CADM2: variants seen among roughly 807,000 people sequenced by gnomAD.
The protein encoded by CADM2 is cell adhesion molecule 2, also known as immunoglobulin superfamily member 4D.
A neutral mutation model predicts 49.8 loss-of-function variants in CADM2; 12 were observed. That is an observed-to-expected ratio of 0.24 (90% CI 0.15 to 0.39). The LOEUF is 0.39. Among genes scored for constraint, CADM2 ranks in the 10% least tolerant of loss-of-function variants. The probability of loss-of-function intolerance (pLI) is 1.00; values close to 1 mark genes in which losing one functional copy is unlikely to be tolerated. For missense variants in CADM2, 378 were observed against 492.3 expected, an observed-to-expected ratio of 0.77 and a Z score of 2.20; for synonymous variants, 214 against 175.4, an observed-to-expected ratio of 1.22 and a Z score of -1.74.
intron 8 of CADM2, among the ~76,000 whole-genome samples, chr3:85,973,775 C>A (rs973742865): frequency 6.6e-6 from 1 of 151,638 alleles, no homozygotes; most frequent in African/African-American, 2.4e-5. Context: ...GTGGGTCCTC[C>A]CATAGCAGTA....
chr3:85,401,474 G>T (rs2035106564), intron 1 of CADM2, among the ~76,000 whole-genome samples: 1 of 152,112 alleles, frequency 6.6e-6, no homozygotes, highest in Non-Finnish European at 1.5e-5. Context: ...AACTTGGTTG[G>T]CATGTGGTGA....
intron 1 of CADM2, among the ~76,000 whole-genome samples, chr3:85,281,025 A>C (rs2043486670): frequency 6.6e-6 from 1 of 151,930 alleles, no homozygotes; most frequent in Non-Finnish European, 1.5e-5. Flanking sequence ...AGCGATCTTA[A>C]ATAATCTCAA....
At chr3:85,700,785 T>C (rs771646095) in intron 1 of CADM2, among the ~76,000 whole-genome samples, 1 of 152,196 alleles carries the variant, frequency 6.6e-6, no homozygotes, top group Non-Finnish European at 1.5e-5. Context: ...CATATCACTA[T>C]CAGCATTTTG....
rs531969966 is a variant in CADM2 at position 85,279,054 on chromosome 3, A to G, written c.61+319386A>G. On this transcript the variant is annotated intron_variant, in intron 1 of 9. Transcript: ENST00000383699. ...CAATCCTTCAATAAAAGAGAGATGC[A>G]TATACTGATTAGTTTGGGGTTTCAG... 2.6e-5 allele frequency among the ~76,000 whole-genome samples: 4 copies of G among 151,600 alleles called. No homozygotes were observed. In the South Asian group the frequency reaches 8.3e-4, roughly 31 times the overall value.
At chr3:85,424,975 C>T (rs1264397394) in intron 1 of CADM2, among the ~76,000 whole-genome samples, 6 of 151,828 alleles carry the variant, frequency 4.0e-5, no homozygotes, top group Admixed American at 3.9e-4. Flanking sequence ...TAATGAGAAC[C>T]TCAAGACTCA....
chr3:85,588,082 A>AG (rs1405065527), intron 1 of CADM2, among the ~76,000 whole-genome samples: 1 of 152,014 alleles, frequency 6.6e-6, no homozygotes, highest in Non-Finnish European at 1.5e-5. Context: ...AATCTTAAGA[A>AG]GGGGTAATTT....
intron 1 of CADM2, among the ~76,000 whole-genome samples, chr3:85,676,090 G>A (rs535494552): frequency 6.6e-6 from 1 of 152,172 alleles, no homozygotes; most frequent in Admixed American, 6.6e-5. Flanking sequence ...CACCACAGCA[G>A]ATACCTCACT....
chr3:85,790,171 A>T (rs2071238879), intron 2 of CADM2, among the ~76,000 whole-genome samples: 1 of 152,242 alleles, frequency 6.6e-6, no homozygotes, highest in African/African-American at 2.4e-5. Flanking sequence ...AAGAAAGCTG[A>T]GATATCACAA....
intron 1 of CADM2, among the ~76,000 whole-genome samples, chr3:85,367,200 A>G (rs1412847966): frequency 6.6e-6 from 1 of 152,116 alleles, no homozygotes; most frequent in East Asian, 1.9e-4. Flanking sequence ...CCATTAATAT[A>G]AATCTAAACT....
At chr3:85,333,660 A>G (rs1399340829) in intron 1 of CADM2, among the ~76,000 whole-genome samples, 2 of 151,854 alleles carry the variant, frequency 1.3e-5, no homozygotes, top group African/African-American at 4.8e-5. Flanking sequence ...TGCAATTGCT[A>G]TTTAAAATAG....
intron 1 of CADM2, among the ~76,000 whole-genome samples, chr3:85,211,170 C>A (rs1274978072): frequency 6.6e-6 from 1 of 151,862 alleles, no homozygotes; most frequent in Non-Finnish European, 1.5e-5. Flanking sequence ...TTCTTTGCAT[C>A]TTTTCTCTCT....
At chr3:85,569,497 A>G (rs1171464146) in intron 1 of CADM2, among the ~76,000 whole-genome samples, 3 of 152,154 alleles carry the variant, frequency 2.0e-5, no homozygotes, top group African/African-American at 7.2e-5. Context: ...AAACTACCCA[A>G]TTATCTTGCA....
At chr3:85,791,253 G>A (rs2071306646) in intron 2 of CADM2, among the ~76,000 whole-genome samples, 1 of 152,042 alleles carries the variant, frequency 6.6e-6, no homozygotes, top group Admixed American at 6.6e-5. Flanking sequence ...AATGACATTT[G>A]TGCTTTTCAG....
chr3:85,852,001 A>T (rs1361208880), intron 3 of CADM2, among the ~76,000 whole-genome samples: 1 of 152,052 alleles, frequency 6.6e-6, no homozygotes, highest in East Asian at 1.9e-4. Context: ...ATATAACTAC[A>T]TGGCAATTTT....
chr3:85,809,786 C>CTTTCTT (rs1228710711), intron 3 of CADM2, among the ~76,000 whole-genome samples: 4 of 82,230 alleles, frequency 4.9e-5, no homozygotes, highest in Non-Finnish European at 7.2e-5. Context: ...CTCTCTCTCT[C>CTTTCTT]TCTCTCTTTC....
chr3:85,293,639 C>T lies in CADM2; in HGVS notation c.61+333971C>T, dbSNP rs369319187. On this transcript the variant is annotated intron_variant, in intron 1 of 9. Coordinates refer to ENST00000383699, the MANE Select transcript of CADM2 (RefSeq NM_001167675.2). Reference sequence around the variant, plus strand: ...GGATGCAAGGCTGGTTCAATATACGCAAATCAATAAATGTAATCCAGCATA... The same window carrying T: ...GGATGCAAGGCTGGTTCAATATACGTAAATCAATAAATGTAATCCAGCATA... Among the ~76,000 whole-genome samples the T allele has an allele frequency of 9.4e-5, 12 of 127,626 alleles. No individual in the cohort carries two copies. In the East Asian group the frequency reaches 1.1e-3, roughly 11 times the overall value. The allele number at this position is 127,626 out of a possible 152,430, so 83.7% of individuals were successfully genotyped here.
chr3:85,645,367 C>T (rs1206903961), intron 1 of CADM2, among the ~76,000 whole-genome samples: 1 of 151,978 alleles, frequency 6.6e-6, no homozygotes, highest in Non-Finnish European at 1.5e-5. Flanking sequence ...ATTATAGAGA[C>T]ATCTAGGTAC....
At chr3:85,951,539 A>G (rs963088327) in intron 7 of CADM2, among the ~76,000 whole-genome samples, 3 of 150,990 alleles carry the variant, frequency 2.0e-5, no homozygotes, top group Admixed American at 1.3e-4. Flanking sequence ...AAACATGTCT[A>G]TTTTCAATAT....
At chr3:85,956,643 T>G (rs1201108882) in intron 7 of CADM2, among the ~76,000 whole-genome samples, 2 of 151,432 alleles carry the variant, frequency 1.3e-5, no homozygotes, top group African/African-American at 4.8e-5. Flanking sequence ...TGTTGTTATT[T>G]CCTTTGAGGA....
Sources: gnomAD v4.1 joint callset for allele counts (sites outside exome capture counted in the v4.1 genomes callset) on GRCh38, gnomAD v4.1.1 for gene constraint, MANE v1.5 for transcripts, NCBI Gene and HGNC (gene_info 2026-07-23, HGNC 2026-07-21) for gene names.